GALNT15: variants seen among roughly 807,000 people sequenced by gnomAD.
The protein encoded by GALNT15 is UDP-GalNAc transferase T15.
In GALNT15, 67 loss-of-function variants were observed where a neutral mutation model predicts 66.8. The observed-to-expected ratio is 1.00, with a 90% CI of 0.82 to 1.23. The LOEUF (loss-of-function observed/expected upper bound fraction) is 1.23. Ranked by LOEUF, GALNT15 falls within the 50% of genes most tolerant of loss-of-function variation. The pLI is 0.00. For synonymous variants in GALNT15, 313 were observed against 311.5 expected (o/e 1.00, Z -0.05); for missense variants, 827 against 804.3 (o/e 1.03, Z -0.34).
At chr3:16,197,680 A>T (rs957981810) in intron 2 of GALNT15, among the ~76,000 whole-genome samples, 4 of 152,144 alleles carry the variant, frequency 2.6e-5, no homozygotes, top group Admixed American at 1.3e-4. Flanking sequence ...GTTTCAGGGT[A>T]TTCGTCTGGG....
At chr3:16,179,541 G>T (rs2063447433) in intron 1 of GALNT15, among the ~76,000 whole-genome samples, 1 of 152,202 alleles carries the variant, frequency 6.6e-6, no homozygotes, top group South Asian at 2.1e-4. Flanking sequence ...AGGGCAGGAG[G>T]AGCTGGGTGC....
intron 6 of GALNT15, among the ~76,000 whole-genome samples, chr3:16,215,527 T>A (rs1242108403): frequency 6.6e-6 from 1 of 152,228 alleles, no homozygotes; most frequent in Non-Finnish European, 1.5e-5. Context: ...GTAGACACCA[T>A]ACTTTTCCAG....
chr3:16,177,666 T>C (rs2063424943), intron 1 of GALNT15, among the ~76,000 whole-genome samples: 1 of 152,224 alleles, frequency 6.6e-6, no homozygotes. Flanking sequence ...TATTGTGTAT[T>C]GGGGTGATGC....
At position 16,211,378 on chromosome 3, in the gene GALNT15, T is replaced by C. The variant is rs1037553803; in HGVS notation, c.1197+137T>C. 3 of 612,884 alleles carry C rather than the reference T, an allele frequency of 4.9e-6. No homozygotes were observed. Among genetic ancestry groups the C allele is most frequent in the Non-Finnish European group, 8.8e-6 (3 of 341,422 alleles). The allele number at this position is 612,884 out of a possible 1,614,324, so 38.0% of individuals were successfully genotyped here. On this transcript the variant is annotated intron_variant, in intron 5 of 9. Transcript: ENST00000339732. This position sits in a 1 kb window ranked among gnomAD's most constrained non-coding sequence, Gnocchi z 4.3. ...AAATTATAAAGTCATTCCTGTGTTG[T>C]GTGTCAAACCTCCCATTTCTCACAG...
chr3:16,199,061 C>T lies in GALNT15; in HGVS notation c.707-1558C>T, dbSNP rs1218033050. ...GCAGAAGAGATGCATTAGGTACAAC[C>T]CCTGTCCTTGGGGAGATCTTAGTCC... On this transcript the variant is annotated intron_variant, in intron 2 of 9. Coordinates refer to ENST00000339732, the MANE Select transcript of GALNT15 (RefSeq NM_054110.5). 2.8e-5 allele frequency among the ~76,000 whole-genome samples: 4 copies of T among 142,362 alleles called. 1 individual carries two copies. Among genetic ancestry groups the T allele is most frequent in the Non-Finnish European group, 6.2e-5 (4 of 64,240 alleles). 93.4% of individuals were successfully genotyped at this position (142,362 alleles called of 152,430 possible). A position where few individuals can be genotyped will look rare whatever the true frequency, so the allele number is the denominator to read the frequency against.
At chr3:16,236,343 GACTCTGTTA>G (rs2064125774), downstream of GALNT15, among the ~76,000 whole-genome samples, 1 of 152,078 alleles carries the variant, frequency 6.6e-6, no homozygotes, top group African/African-American at 2.4e-5. Context: ...TTTTTTTGCA[GACTCTGTTA>G]ACTCTGTTAA....
rs565776151 is a variant in GALNT15 at position 16,201,110 on chromosome 3, G to A, written c.911+287G>A. On this transcript the variant is annotated intron_variant, in intron 3 of 9. Coordinates refer to ENST00000339732, the MANE Select transcript of GALNT15 (RefSeq NM_054110.5). ...TTAAAATTGTATTAAATTGCATGACGAGGGTAACACCTTACCATAGCTATC... is the reference window on the plus strand; with the variant it reads ...TTAAAATTGTATTAAATTGCATGACAAGGGTAACACCTTACCATAGCTATC... 5.3e-5 allele frequency among the ~76,000 whole-genome samples: 8 copies of A among 152,246 alleles called. No individual in the cohort carries two copies. In the South Asian group the frequency reaches 1.0e-3, roughly 20 times the overall value.
At chr3:16,218,057 A>G (rs1016158532) in intron 6 of GALNT15, among the ~76,000 whole-genome samples, 5 of 152,224 alleles carry the variant, frequency 3.3e-5, no homozygotes, top group African/African-American at 1.2e-4. Flanking sequence ...CTCCAACCCA[A>G]ACAACTGTAT....
chr3:16,235,925 T>G (rs1380283336), downstream of GALNT15, among the ~76,000 whole-genome samples: 3 of 151,282 alleles, frequency 2.0e-5, no homozygotes, highest in Non-Finnish European at 4.4e-5. Flanking sequence ...GACAAAATGG[T>G]GAAACCCTGC....
At chr3:16,197,440 TCTC>T (rs779955105) in intron 2 of GALNT15, among the ~76,000 whole-genome samples, 1 of 152,170 alleles carries the variant, frequency 6.6e-6, no homozygotes, top group Non-Finnish European at 1.5e-5. Context: ...TGCAGGTCCC[TCTC>T]CTCTGTGTGC....
downstream of GALNT15, among the ~76,000 whole-genome samples, chr3:16,234,611 T>C (rs1479768246): frequency 3.3e-5 from 5 of 152,252 alleles, no homozygotes; most frequent in African/African-American, 1.2e-4. Flanking sequence ...ACTTCCTTAC[T>C]AGTGTTTCCT....
intron 6 of GALNT15, among the ~76,000 whole-genome samples, chr3:16,214,541 A>G (rs1459653261): frequency 6.6e-6 from 1 of 152,130 alleles, no homozygotes; most frequent in African/African-American, 2.4e-5. Flanking sequence ...CGTTATTGTC[A>G]TGGCTACTAA....
At position 16,200,479 on chromosome 3, in the gene GALNT15, C is replaced by A; in HGVS notation, c.707-140C>A. On this transcript the variant is annotated intron_variant, in intron 2 of 9. Transcript: ENST00000339732. This position sits in a 1 kb window ranked among gnomAD's most constrained non-coding sequence, Gnocchi z 4.4. ...GCATCTTACATCTCAGCAACAACCA[C>A]ACTGTAGTAATGTTTTCGGTTCTTA... 1.9e-6 allele frequency: 1 copy of A among 531,292 alleles called. No individual in the cohort carries two copies. The highest frequency in any genetic ancestry group is 5.2e-5 in the South Asian group (1 of 19,306). 32.9% of individuals were successfully genotyped at this position (531,292 alleles called of 1,614,324 possible).
At chr3:16,226,026 G>A (rs2124907433) in intron 9 of GALNT15, among the ~76,000 whole-genome samples, 1 of 151,286 alleles carries the variant, frequency 6.6e-6, no homozygotes, top group East Asian at 1.9e-4. Context: ...TCCCGCCTGG[G>A]TGACAGAGCA....
In GALNT15 at chr3:16,211,647, A is replaced by G. The variant is rs1256172179; in HGVS notation, c.1197+406A>G. 6.6e-6 allele frequency among the ~76,000 whole-genome samples: 1 copy of G among 152,216 alleles called. No individual in the cohort carries two copies. The highest frequency in any genetic ancestry group is 1.9e-4 in the East Asian group (1 of 5,206). On this transcript the variant is annotated intron_variant, in intron 5 of 9. Transcript: ENST00000339732. The surrounding 1 kb of genome is among the most constrained non-coding windows in gnomAD (Gnocchi z 4.3). ...GTCCAAACAATGTAATACTTGTCAT[A>G]AAAACTTAGCACCTGTTGGGCACCA...
Position 16,211,988 on chromosome 3 carries a change from C to T in GALNT15, c.1198-581C>T, listed in dbSNP as rs1274726738. ...TGTTTCCATTCATATGCTGCTTATCCTAGGACAGTACTTCTACTTTAACCT... is the reference window on the plus strand; with the variant it reads ...TGTTTCCATTCATATGCTGCTTATCTTAGGACAGTACTTCTACTTTAACCT... On this transcript the variant is annotated intron_variant, in intron 5 of 9. Transcript: ENST00000339732. The surrounding 1 kb of genome is among the most constrained non-coding windows in gnomAD (Gnocchi z 4.3). Among the ~76,000 whole-genome samples, 3 of 152,164 alleles carry T rather than the reference C, an allele frequency of 2.0e-5. No homozygotes were observed. Among genetic ancestry groups the T allele is most frequent in the East Asian group, 3.9e-4 (2 of 5,194 alleles).
chr3:16,211,314 G>A lies in GALNT15; in HGVS notation c.1197+73G>A, dbSNP rs937250545. 55 of 956,100 alleles carry A rather than the reference G, an allele frequency of 5.8e-5. No individual in the cohort carries two copies. Among genetic ancestry groups the A allele is most frequent in the South Asian group, 3.4e-4 (25 of 74,092 alleles). The allele number at this position is 956,100 out of a possible 1,614,324, so 59.2% of individuals were successfully genotyped here. On this transcript the variant is annotated intron_variant, in intron 5 of 9. Coordinates refer to ENST00000339732, the MANE Select transcript of GALNT15 (RefSeq NM_054110.5). The surrounding 1 kb of genome is among the most constrained non-coding windows in gnomAD (Gnocchi z 4.3). ...GTGTATGGTCACAGCTCAGAGGCAG[G>A]CATTAGAAATGTCACTGGGAAGGAA...
At chr3:16,233,121 A>G (rs1416519093), downstream of GALNT15, among the ~76,000 whole-genome samples, 11 of 14,126 alleles carry the variant, frequency 7.8e-4, no homozygotes, top group Non-Finnish European at 1.5e-3. Context: ...TTTGAAACGG[A>G]GTCTGGCTGT....
rs569090369 is a variant in GALNT15 at position 16,221,903 on chromosome 3, G to A, written c.1630-712G>A. On this transcript the variant is annotated intron_variant, in intron 8 of 9. Transcript: ENST00000339732. ...TAGTCTTTAATTTGACAATTATTAA[G>A]AATTTCAAGACAGTGACAGCAGAGC... Among the ~76,000 whole-genome samples, 7 of 152,300 alleles carry A rather than the reference G, an allele frequency of 4.6e-5. No homozygotes were observed. The South Asian group carries it at 6.2e-4, about 14-fold the overall frequency.
Sources: gnomAD v4.1 joint callset for allele counts (sites outside exome capture counted in the v4.1 genomes callset) on GRCh38, gnomAD v4.1.1 for gene constraint, Gnocchi (gnomAD v3.1) non-coding constraint, MANE v1.5 for transcripts, NCBI Gene and HGNC (gene_info 2026-07-23, HGNC 2026-07-21) for gene names.